TECPR2: variants seen among roughly 807,000 people sequenced by gnomAD.
TECPR2 encodes tectonin beta-propeller repeat containing 2.
In TECPR2, 65 loss-of-function variants were observed where a neutral mutation model predicts 138.1. The ratio of observed to expected loss-of-function variants is 0.47; its 90% confidence interval spans 0.39 to 0.58. The LOEUF (loss-of-function observed/expected upper bound fraction) is 0.58, where lower values mean the gene tolerates loss of function less well. TECPR2 is among the 20% of genes least tolerant of loss of function. TECPR2 has a pLI of 0.00. For missense variants in TECPR2, 1,553 were observed against 1,824.5 expected (o/e 0.85, Z 2.71); for synonymous variants, 746 against 749.8 (o/e 0.99, Z 0.08).
At chr14:102,478,160 C>T (rs1890808945) in intron 17 of TECPR2, among the ~76,000 whole-genome samples, 1 of 151,866 alleles carries the variant, frequency 6.6e-6, no homozygotes, top group Admixed American at 6.6e-5. Context: ...ATCCTCCCAC[C>T]TCAGCCTCCC....
At position 102,498,468 on chromosome 14, in the gene TECPR2, T is replaced by G. The variant is rs1193303486; in HGVS notation, c.*211T>G. ...GTGGCTGGCGTGATTGCTGCAGCAG[T>G]GGCGCCTCCTAGCTCAGGACAGTGG... On this transcript the variant is annotated 3_prime_UTR_variant, in exon 20 of 20. Transcript: ENST00000359520. 3 of 651,216 alleles carry G rather than the reference T, an allele frequency of 4.6e-6. No individual in the cohort carries two copies. The highest frequency in any genetic ancestry group is 3.0e-5 in the Admixed American group (1 of 33,358). 40.3% of individuals were successfully genotyped at this position (651,216 alleles called of 1,614,324 possible).
At position 102,434,425 on chromosome 14, in the gene TECPR2, T is replaced by C; in HGVS notation, c.1608T>C (p.Gly536=). Reference sequence around the variant, plus strand: ...GCAGCTTCAATGGTGAAGTGAACGGTGTCCCACAGGAAAATACTGACCCCG... The same window carrying C: ...GCAGCTTCAATGGTGAAGTGAACGGCGTCCCACAGGAAAATACTGACCCCG... ...QESSFNGEVN[G]VPQENTDPET... is the part of the protein sequence containing the mutation. The change falls in exon 9 of 20, where the codon GGT becomes GGC. Residue 536 remains glycine, a synonymous_variant. Transcript: ENST00000359520. 1 of 1,531,760 alleles carries C rather than the reference T, an allele frequency of 6.5e-7. No individual in the cohort carries two copies. The allele number at this position is 1,531,760 out of a possible 1,614,324, so 94.9% of individuals were successfully genotyped here. A position where few individuals can be genotyped will look rare whatever the true frequency, so the allele number is the denominator to read the frequency against.
chr14:102,376,523 C>CT, intron 1 of TECPR2, 127 bp from the exon 2 acceptor site: 1 of 588,090 alleles, frequency 1.7e-6, no homozygotes, highest in Non-Finnish European at 3.0e-6. Flanking sequence ...CACGTGTTTA[C>CT]TTTCCCTGTT....
In TECPR2 at chr14:102,445,934, A is replaced by G; in HGVS notation, c.3062A>G (p.Asp1021Gly). ...IISKKPQGDD[D>G]HWWQVSITDY... is the part of the protein sequence containing the mutation. ...TCCAAGAAGCCCCAAGGAGATGACGACCATTGGTGGCAAGTAGGTGTTCAG... is the reference window on the plus strand; with the variant it reads ...TCCAAGAAGCCCCAAGGAGATGACGGCCATTGGTGGCAAGTAGGTGTTCAG... The change falls in exon 13 of 20, where the codon GAC becomes GGC. Residue 1021 changes from aspartate to glycine, a missense_variant. Physicochemically the swap from Asp to Gly is moderately conservative, Grantham distance 94. Coordinates refer to ENST00000359520, the MANE Select transcript of TECPR2 (RefSeq NM_014844.5). The G allele has an allele frequency of 6.2e-7, 1 of 1,613,752 alleles. No homozygotes were observed. Among genetic ancestry groups the G allele is most frequent in the Non-Finnish European group, 8.5e-7 (1 of 1,179,900 alleles).
At chr14:102,469,775 C>G (rs566857217) in intron 17 of TECPR2, among the ~76,000 whole-genome samples, 2 of 152,092 alleles carry the variant, frequency 1.3e-5, no homozygotes, top group African/African-American at 4.8e-5. Flanking sequence ...TCTTTCTGTT[C>G]CTAGTTTGTT....
intron 1 of TECPR2, among the ~76,000 whole-genome samples, chr14:102,374,664 T>A (rs1887596926): frequency 6.6e-6 from 1 of 152,200 alleles, no homozygotes; most frequent in Non-Finnish European, 1.5e-5. Flanking sequence ...TAGCTAGGAC[T>A]ACAGGCATGT....
chr14:102,463,416 C>CA (rs550694466), intron 16 of TECPR2, among the ~76,000 whole-genome samples: 3,563 of 36,148 alleles, frequency 0.099, 184 homozygotes, highest in African/African-American at 0.15. Context: ...GACTCCGTCT[C>CA]AAAAAAAAAA....
At chr14:102,485,989 G>C (rs1436537697) in intron 17 of TECPR2, among the ~76,000 whole-genome samples, 1 of 152,200 alleles carries the variant, frequency 6.6e-6, no homozygotes, top group Non-Finnish European at 1.5e-5. Flanking sequence ...TGGCCAGTTG[G>C]CTCCACCAGC....
At chr14:102,408,704 T>C in intron 4 of TECPR2, 85 bp downstream of exon 4, 1 of 1,360,140 alleles carries the variant, frequency 7.4e-7, no homozygotes, top group African/African-American at 1.5e-5. Context: ...TTTAGTCAAC[T>C]TGTATTCTTG....
chr14:102,422,871 A>G (rs895471646), intron 5 of TECPR2, among the ~76,000 whole-genome samples: 1 of 152,230 alleles, frequency 6.6e-6, no homozygotes, highest in Admixed American at 6.5e-5. Context: ...GGTGCACTGC[A>G]TAACAACATT....
Position 102,443,069 on chromosome 14 carries a change from G to A in TECPR2, c.2753-578G>A, listed in dbSNP as rs918492195. On this transcript the variant is annotated intron_variant, in intron 11 of 19. Coordinates refer to ENST00000359520, the MANE Select transcript of TECPR2 (RefSeq NM_014844.5). This position sits in a 1 kb window ranked among gnomAD's most constrained non-coding sequence, Gnocchi z 4.9. ...CACCCAGTCAGAGCAGAGAGGAGCCGCCGTGCTGGAGCTCTCTGCAGGAAC... is the reference window on the plus strand; with the variant it reads ...CACCCAGTCAGAGCAGAGAGGAGCCACCGTGCTGGAGCTCTCTGCAGGAAC... Among the ~76,000 whole-genome samples the A allele has an allele frequency of 1.4e-4, 22 of 152,186 alleles. No individual in the cohort carries two copies. Among genetic ancestry groups the A allele is most frequent in the African/African-American group, 4.8e-4 (20 of 41,440 alleles).
intron 17 of TECPR2, among the ~76,000 whole-genome samples, chr14:102,476,023 A>G (rs1241531888): frequency 2.0e-5 from 3 of 152,060 alleles, no homozygotes; most frequent in African/African-American, 7.2e-5. Flanking sequence ...CCTGGCCAAC[A>G]TGGCAAAACC....
chr14:102,461,983 T>G (rs1371398432), intron 16 of TECPR2, among the ~76,000 whole-genome samples: 1 of 152,228 alleles, frequency 6.6e-6, no homozygotes, highest in Non-Finnish European at 1.5e-5. Context: ...AGTTCAACTT[T>G]GTCATCTTTC....
chr14:102,458,745 C>T (rs1296511329), intron 16 of TECPR2, among the ~76,000 whole-genome samples: 2 of 151,968 alleles, frequency 1.3e-5, no homozygotes, highest in Non-Finnish European at 2.9e-5. Flanking sequence ...TCCTTCAGGA[C>T]TCAGTTGAGA....
At position 102,488,819 on chromosome 14, in the gene TECPR2, C is replaced by T. The variant is rs539712666; in HGVS notation, c.3790-8160C>T. Among the ~76,000 whole-genome samples, 39 of 151,910 alleles carry T rather than the reference C, an allele frequency of 2.6e-4. 1 individual carries two copies. Among genetic ancestry groups the T allele is most frequent in the Admixed American group, 2.4e-3 (37 of 15,228 alleles). The stretch of plus-strand genomic sequence containing the variant: ...GTGATAAAATACACATGAGATTTAC[C>T]GTTAGTGACAGTACATTTGCAATGT... On this transcript the variant is annotated intron_variant, in intron 17 of 19. Coordinates refer to ENST00000359520, the MANE Select transcript of TECPR2 (RefSeq NM_014844.5).
rs184116280 is a variant in TECPR2 at position 102,386,621 on chromosome 14, A to G, written c.219+9681A>G. Reference sequence around the variant, plus strand: ...TTCACATGATTACTTAACTCTAGGTAGGGATTAAGATTGGGATGGGCTGAG... The same window carrying G: ...TTCACATGATTACTTAACTCTAGGTGGGGATTAAGATTGGGATGGGCTGAG... On this transcript the variant is annotated intron_variant, in intron 2 of 19. Coordinates refer to ENST00000359520, the MANE Select transcript of TECPR2 (RefSeq NM_014844.5). Among the ~76,000 whole-genome samples, 484 of 152,294 alleles carry G rather than the reference A, an allele frequency of 3.2e-3. 6 individuals carry two copies. The highest frequency in any genetic ancestry group is 2.3e-3 in the Non-Finnish European group (156 of 68,024).
chr14:102,368,813 C>T (rs1009064350), intron 1 of TECPR2, among the ~76,000 whole-genome samples: 1 of 151,874 alleles, frequency 6.6e-6, no homozygotes, highest in African/African-American at 2.4e-5. Flanking sequence ...TGTACTGTGG[C>T]ATGGCCACAG....
rs530404839 is a variant in TECPR2 at position 102,493,756 on chromosome 14, G to C, written c.3790-3223G>C. ...CCCCAGCCTCCCTGCTGTGACAGGG[G>C]CAGGGGCTGCGGTGACCCTGCAGCA... On this transcript the variant is annotated intron_variant, in intron 17 of 19. Coordinates refer to ENST00000359520, the MANE Select transcript of TECPR2 (RefSeq NM_014844.5). 1.5e-3 allele frequency among the ~76,000 whole-genome samples: 228 copies of C among 152,326 alleles called. 2 individuals carry two copies. The highest frequency in any genetic ancestry group is 5.3e-3 in the African/African-American group (221 of 41,586).
rs2139690581 is a variant in TECPR2, at chr14:102,405,190, T to C, written c.220-2148T>C. Among the ~76,000 whole-genome samples the C allele has an allele frequency of 1.3e-5, 2 of 152,116 alleles. 1 individual carries two copies. Among genetic ancestry groups the C allele is most frequent in the Middle Eastern group, 6.8e-3 (2 of 294 alleles). On this transcript the variant is annotated intron_variant, in intron 2 of 19. Transcript: ENST00000359520. The stretch of plus-strand genomic sequence containing the variant: ...CAGGTGTGGTGATGCATGCCTGTAG[T>C]CCCAGCTACTCTGGAGGCTGAGGCA...
Sources: allele counts gnomAD v4.1 joint callset (sites outside exome capture counted in the v4.1 genomes callset), GRCh38; gene constraint gnomAD v4.1.1; non-coding constraint Gnocchi (gnomAD v3.1); transcripts MANE v1.5; gene names NCBI Gene and HGNC (gene_info 2026-07-23, HGNC 2026-07-21).